Variants in SPIDR observed in about 807,000 individuals in gnomAD.
SPIDR encodes scaffold protein involved in DNA repair.
Under a neutral mutation model 104.6 loss-of-function variants are expected in SPIDR, and 93 were observed. The observed-to-expected ratio is 0.89, with a 90% CI of 0.75 to 1.06. SPIDR has a LOEUF of 1.06. Ranked by LOEUF, SPIDR falls within the 50% of genes least tolerant of loss-of-function variation. The pLI, the probability that SPIDR is intolerant of heterozygous loss-of-function variation, is 0.00. For synonymous variants in SPIDR, 431 were observed against 416.9 expected (o/e 1.03, Z -0.41); for missense variants, 1,154 against 1,111.2 (o/e 1.04, Z -0.55).
At chr8:47,504,087 C>T (rs79246296) in intron 8 of SPIDR, among the ~76,000 whole-genome samples, 1 of 152,166 alleles carries the variant, frequency 6.6e-6, no homozygotes, top group Non-Finnish European at 1.5e-5. Context: ...CCATTTCAAC[C>T]TTGGTGAATC....
intron 8 of SPIDR, among the ~76,000 whole-genome samples, chr8:47,552,116 T>G (rs934752935): frequency 2.0e-5 from 3 of 152,230 alleles, no homozygotes; most frequent in Non-Finnish European, 2.9e-5. Flanking sequence ...TCTAGTTTGA[T>G]TGCACTGTGG....
intron 3 of SPIDR, among the ~76,000 whole-genome samples, chr8:47,288,552 G>A (rs988174483): frequency 6.6e-6 from 1 of 152,134 alleles, no homozygotes; most frequent in Non-Finnish European, 1.5e-5. Context: ...CCGAAGTCTA[G>A]GATTACAGGC....
Position 47,310,273 on chromosome 8 carries a change from G to A in SPIDR, c.525+16243G>A, listed in dbSNP as rs587597846. Among the ~76,000 whole-genome samples the A allele has an allele frequency of 1.0e-3, 151 of 149,676 alleles. 1 individual carries two copies. The highest frequency in any genetic ancestry group is 3.5e-3 in the African/African-American group (142 of 40,564). On this transcript the variant is annotated intron_variant, in intron 5 of 19. Transcript: ENST00000297423. ...GGTGTGAACCCAGGAGGTGGAGGTC[G>A]CAGTGAGCTGAGATCGCGCCGCTGC...
intron 10 of SPIDR, among the ~76,000 whole-genome samples, chr8:47,615,398 T>A (rs1288396147): frequency 6.6e-6 from 1 of 152,150 alleles, no homozygotes; most frequent in Non-Finnish European, 1.5e-5. Context: ...GGGGACATTT[T>A]AAATTAATTT....
chr8:47,443,899 C>G (rs553146863), intron 8 of SPIDR, among the ~76,000 whole-genome samples: 3 of 152,188 alleles, frequency 2.0e-5, no homozygotes, highest in Admixed American at 6.5e-5. Flanking sequence ...GGTAAACTCT[C>G]ATTGGATTCC....
chr8:47,486,915 A>G (rs1427792672), intron 8 of SPIDR, among the ~76,000 whole-genome samples: 2 of 152,242 alleles, frequency 1.3e-5, no homozygotes, highest in Non-Finnish European at 2.9e-5. Flanking sequence ...TGTAAAGACC[A>G]TCAATGCTAG....
At chr8:47,487,531 C>T (rs1319233671) in intron 8 of SPIDR, among the ~76,000 whole-genome samples, 1 of 152,152 alleles carries the variant, frequency 6.6e-6, no homozygotes, top group African/African-American at 2.4e-5. Context: ...GAACTCTCCA[C>T]CCAAAATCAA....
chr8:47,728,797 C>T, intron 17 of SPIDR, 136 bp from the exon 18 acceptor site: 1 of 1,031,192 alleles, frequency 9.7e-7, no homozygotes. Context: ...AGGCCTCTCT[C>T]AGAAACTTGA....
At chr8:47,597,644 A>C (rs1028928831) in intron 9 of SPIDR, among the ~76,000 whole-genome samples, 1 of 152,180 alleles carries the variant, frequency 6.6e-6, no homozygotes, top group African/African-American at 2.4e-5. Context: ...TCCTTTATTT[A>C]TTTAAAAAAT....
intron 11 of SPIDR, among the ~76,000 whole-genome samples, chr8:47,689,141 G>C (rs1276936770): frequency 6.6e-6 from 1 of 152,214 alleles, no homozygotes; most frequent in Non-Finnish European, 1.5e-5. Flanking sequence ...AATTTTTGGA[G>C]GGGGAGCGGA....
intron 8 of SPIDR, chr8:47,592,552 T>C (rs2061157839): frequency 3.0e-6 from 4 of 1,322,616 alleles, no homozygotes; most frequent in East Asian, 2.3e-5. Context: ...TGCCAGGAAC[T>C]GGTTCTGCCA....
intron 5 of SPIDR, among the ~76,000 whole-genome samples, chr8:47,294,638 T>A (rs2040513207): frequency 6.6e-6 from 1 of 152,218 alleles, no homozygotes; most frequent in African/African-American, 2.4e-5. Flanking sequence ...CTATTTTTAT[T>A]TATTTATTTA....
At chr8:47,505,428 T>A (rs1006753689) in intron 8 of SPIDR, among the ~76,000 whole-genome samples, 1 of 152,176 alleles carries the variant, frequency 6.6e-6, no homozygotes, top group African/African-American at 2.4e-5. Context: ...CATAGGACCC[T>A]CCAAGCCATG....
intron 8 of SPIDR, among the ~76,000 whole-genome samples, chr8:47,563,037 C>CTTTTTTTT (rs75347314): frequency 2.2e-5 from 3 of 134,882 alleles, no homozygotes; most frequent in Non-Finnish European, 3.2e-5. Flanking sequence ...ACTCTTTTCT[C>CTTTTTTTT]TTTTTTTTTT....
chr8:47,352,837 T>C (rs1255103824), intron 5 of SPIDR, among the ~76,000 whole-genome samples: 3 of 151,836 alleles, frequency 2.0e-5, no homozygotes, highest in Non-Finnish European at 4.4e-5. Context: ...GCCGAGTCGA[T>C]GAGGTTGAGA....
In SPIDR at chr8:47,735,585, T is replaced by C; in HGVS notation, c.*135T>C. On this transcript the variant is annotated 3_prime_UTR_variant, in exon 20 of 20. Transcript: ENST00000297423. ...GATCTTGAAATGAAACTTAGATTTT[T>C]CTGGGGAAATGTTCAGATACAGTTT... The C allele has an allele frequency of 6.6e-7, 1 of 1,509,282 alleles. No homozygotes were observed. The highest frequency in any genetic ancestry group is 8.9e-7 in the Non-Finnish European group (1 of 1,121,226). The allele number at this position is 1,509,282 out of a possible 1,614,324, so 93.5% of individuals were successfully genotyped here.
At chr8:47,355,444 C>G (rs779662667) in intron 5 of SPIDR, among the ~76,000 whole-genome samples, 1 of 151,744 alleles carries the variant, frequency 6.6e-6, no homozygotes, top group Non-Finnish European at 1.5e-5. Context: ...TCACCAGGTA[C>G]TTAAAACCTG....
chr8:47,396,511 G>T lies in SPIDR; in HGVS notation c.661G>T (p.Glu221Ter). ...TGCATCGGATGCAAGACAGATTATG[G>T]AGAGACTGATAGATCCAAGGACAAA... ...QFASDARQIM[E>*]RLIDPRTKST... The change falls in exon 6 of 20, where the codon GAG becomes TAG. Residue 221 changes from glutamate to a stop codon, truncating the protein, a stop_gained. Coordinates refer to ENST00000297423, the MANE Select transcript of SPIDR (RefSeq NM_001080394.4). LOFTEE classifies it high-confidence loss of function. 1 of 1,614,108 alleles carries T rather than the reference G, an allele frequency of 6.2e-7. No individual in the cohort carries two copies. Among genetic ancestry groups the T allele is most frequent in the Non-Finnish European group, 8.5e-7 (1 of 1,180,010 alleles).
chr8:47,611,984 G>A (rs557506833), intron 10 of SPIDR, among the ~76,000 whole-genome samples: 1 of 152,260 alleles, frequency 6.6e-6, no homozygotes, highest in East Asian at 1.9e-4. Context: ...ACTGTGTGAG[G>A]CCTTCCACAC....
Sources: gnomAD v4.1 joint callset for allele counts (sites outside exome capture counted in the v4.1 genomes callset) on GRCh38, gnomAD v4.1.1 for gene constraint, MANE v1.5 for transcripts, NCBI Gene and HGNC (gene_info 2026-07-23, HGNC 2026-07-21) for gene names.